The following MYO5C variants were observed in gnomAD, a reference collection of about 807,000 sequenced individuals.
The protein encoded by MYO5C is myosin VC, also known as unconventional myosin-Vc.
In MYO5C, 194 loss-of-function variants were observed where a neutral mutation model predicts 235.7. The observed-to-expected ratio is 0.82, with a 90% CI of 0.73 to 0.93. MYO5C has a LOEUF of 0.93. MYO5C is among the 40% of genes least tolerant of loss of function. MYO5C has a pLI of 0.00. For missense variants in MYO5C, 2,038 were observed against 2,127.2 expected (o/e 0.96, Z 0.82); for synonymous variants, 707 against 754.8 (o/e 0.94, Z 1.04).
intron 1 of MYO5C, among the ~76,000 whole-genome samples, chr15:52,284,398 G>A (rs535561043): frequency 6.7e-6 from 1 of 149,032 alleles, no homozygotes; most frequent in East Asian, 2.1e-4. Flanking sequence ...TAAAACTAAA[G>A]CATGCTGGGA....
rs767804587 is a variant in MYO5C, at chr15:52,213,191, G to C, written c.4138C>G (p.Leu1380Val). The change falls in exon 34 of 41, where the codon CTT becomes GTT. Residue 1380 changes from leucine to valine, a missense_variant. Coordinates refer to ENST00000261839, the MANE Select transcript of MYO5C (RefSeq NM_018728.4). ...CCAGAGTTCCAGGTTTCACTACCAA[G>C]AATGAGGTTCTGAATGAGCTTGGCC... Reference protein sequence around the residue: ...DEAKLIQNLILDLKPRGVVVN... With the variant: ...DEAKLIQNLIVDLKPRGVVVN... 1.9e-6 allele frequency: 3 copies of C among 1,613,120 alleles called. No homozygotes were observed. In the Admixed American group the frequency reaches 5.0e-5, roughly 27 times the overall value.
chr15:52,261,637 C>T (rs2036698323), intron 9 of MYO5C, among the ~76,000 whole-genome samples: 1 of 152,204 alleles, frequency 6.6e-6, no homozygotes, highest in South Asian at 2.1e-4. Context: ...CATGGCTGAG[C>T]TAGTGCCTCA....
chr15:52,254,597 C>A (rs578140305), intron 11 of MYO5C, among the ~76,000 whole-genome samples: 1 of 149,604 alleles, frequency 6.7e-6, no homozygotes, highest in Non-Finnish European at 1.5e-5. Flanking sequence ...GAAGATACTA[C>A]CCCTCCTGGG....
intron 24 of MYO5C, 40 bp from the exon 25 acceptor site, chr15:52,229,353 G>A: frequency 6.3e-7 from 1 of 1,593,286 alleles, no homozygotes; most frequent in South Asian, 1.1e-5. Flanking sequence ...AGCTGAGCAT[G>A]GTGGCTGAAA....
At chr15:52,227,352 G>A (rs551166117) in intron 25 of MYO5C, among the ~76,000 whole-genome samples, 2 of 142,312 alleles carry the variant, frequency 1.4e-5, no homozygotes, top group African/African-American at 5.5e-5. Context: ...GTGCTACCTC[G>A]CCCGGCTAAT....
At chr15:52,265,707 T>A (rs1033487601) in intron 8 of MYO5C, among the ~76,000 whole-genome samples, 1 of 152,048 alleles carries the variant, frequency 6.6e-6, no homozygotes, top group Admixed American at 6.6e-5. Flanking sequence ...CCCAGCTAAT[T>A]TTTTGTAGAG....
In MYO5C at chr15:52,205,938, T is replaced by C; in HGVS notation, c.4415A>G (p.Gln1472Arg). 1 of 1,591,726 alleles carries C rather than the reference T, an allele frequency of 6.3e-7. No individual in the cohort carries two copies. The highest frequency in any genetic ancestry group is 1.3e-5 in the African/African-American group (1 of 74,688). ...AAAATTGTTCAAGCAATTCTTATTC[T>C]GCTGTGGACTATTATGCTTCATGAA... is the stretch of plus-strand genomic sequence containing the variant. The part of the protein sequence containing the change: ...EEFMKHNSPQ[Q>R]NKNCLNNFDL... Residue 1472 changes from glutamine to arginine, a missense_variant, in exon 37 of 41, where the codon CAG becomes CGG. Physicochemically the swap from Gln to Arg is conservative, Grantham distance 43. Transcript: ENST00000261839.
rs145955087 is a variant in MYO5C at position 52,230,011 on chromosome 15, C to T, written c.3027-698G>A. On this transcript the variant is annotated intron_variant, in intron 24 of 40. Coordinates refer to ENST00000261839, the MANE Select transcript of MYO5C (RefSeq NM_018728.4). The stretch of plus-strand genomic sequence containing the variant: ...CTCTGCTAAGTCCTGGCTCCTTCCT[C>T]GTTCCAAGGATCCTGCTGGAGGTTT... Among the ~76,000 whole-genome samples, 575 of 152,216 alleles carry T rather than the reference C, an allele frequency of 3.8e-3. 7 individuals carry two copies. Among genetic ancestry groups the T allele is most frequent in the East Asian group, 0.026 (136 of 5,174 alleles).
intron 11 of MYO5C, among the ~76,000 whole-genome samples, chr15:52,254,094 G>T (rs2036531931): frequency 6.6e-6 from 1 of 152,192 alleles, no homozygotes; most frequent in Non-Finnish European, 1.5e-5. Context: ...CGCACCTCAA[G>T]CAGGTTAGAA....
chr15:52,245,352 A>G lies in MYO5C; in HGVS notation c.2178+2T>C. On this transcript the variant is annotated splice_donor_variant, in intron 18 of 40. Transcript: ENST00000261839. LOFTEE classifies it high-confidence loss of function. The stretch of plus-strand genomic sequence containing the variant: ...ATGATCCCAGGAGGTGGGGAAACTG[A>G]CCTGGATGAGTCTGTGTAAAACCAC... The G allele has an allele frequency of 1.2e-6, 2 of 1,602,648 alleles. No individual in the cohort carries two copies. Among genetic ancestry groups the G allele is most frequent in the South Asian group, 2.2e-5 (2 of 90,814 alleles).
At chr15:52,208,442 T>C in intron 36 of MYO5C, 112 bp downstream of exon 36, 1 of 904,080 alleles carries the variant, frequency 1.1e-6, no homozygotes, top group Non-Finnish European at 1.7e-6. Context: ...CAACAGATAA[T>C]GTGCTGTTGG....
At chr15:52,245,216 A>T in intron 18 of MYO5C, 138 bp downstream of exon 18, 1 of 707,298 alleles carries the variant, frequency 1.4e-6, no homozygotes, top group East Asian at 2.6e-5. Context: ...TCAGCAGACA[A>T]ATGCTCAGGG....
chr15:52,206,047 C>A, intron 36 of MYO5C, 81 bp from the exon 37 acceptor site: 1 of 862,392 alleles, frequency 1.2e-6, no homozygotes, highest in Non-Finnish European at 1.7e-6. Flanking sequence ...AACTCTTTTA[C>A]CTTAAAACTT....
intron 21 of MYO5C, among the ~76,000 whole-genome samples, chr15:52,238,921 G>A (rs1045402193): frequency 6.6e-6 from 1 of 151,760 alleles, no homozygotes; most frequent in Non-Finnish European, 1.5e-5. Flanking sequence ...GATTACAGGC[G>A]TGAGCCACCG....
At chr15:52,212,535 G>T (rs1950400102) in intron 34 of MYO5C, among the ~76,000 whole-genome samples, 1 of 152,206 alleles carries the variant, frequency 6.6e-6, no homozygotes, top group Non-Finnish European at 1.5e-5. Flanking sequence ...AGAAGAGGAA[G>T]GAAGGCTACA....
At chr15:52,222,193 G>A (rs2035703810) in intron 29 of MYO5C, among the ~76,000 whole-genome samples, 1 of 152,158 alleles carries the variant, frequency 6.6e-6, no homozygotes, top group African/African-American at 2.4e-5. Flanking sequence ...GCATACGATG[G>A]GTTTATTGGG....
At chr15:52,238,984 T>C (rs1446080418) in intron 21 of MYO5C, among the ~76,000 whole-genome samples, 1 of 132,484 alleles carries the variant, frequency 7.5e-6, no homozygotes, top group African/African-American at 2.9e-5. Context: ...GGAGTTTTGC[T>C]CTTGTTGCCC....
Position 52,244,134 on chromosome 15 carries a change from G to C in MYO5C, c.2390+222C>G, listed in dbSNP as rs186072866. Among the ~76,000 whole-genome samples, 72 of 152,168 alleles carry C rather than the reference G, an allele frequency of 4.7e-4. 1 individual carries two copies. The highest frequency in any genetic ancestry group is 1.6e-3 in the African/African-American group (65 of 41,474). On this transcript the variant is annotated intron_variant, in intron 19 of 40. Transcript: ENST00000261839. ...AGCGCTTCCTCCCTGCAGGGCCCTG[G>C]GTGTCGGCTCACCACACAGACACCA...
chr15:52,208,803 A>G (rs1315396296), intron 35 of MYO5C, among the ~76,000 whole-genome samples, 160 bp from the exon 36 acceptor site: 1 of 152,190 alleles, frequency 6.6e-6, no homozygotes, highest in Non-Finnish European at 1.5e-5. Context: ...ACTTATATTT[A>G]TTTAATAGGT....
Sources: gnomAD v4.1 joint callset for allele counts (sites outside exome capture counted in the v4.1 genomes callset) on GRCh38, gnomAD v4.1.1 for gene constraint, MANE v1.5 for transcripts, NCBI Gene and HGNC (gene_info 2026-07-23, HGNC 2026-07-21) for gene names.